Variants in AZIN2 observed in about 807,000 individuals in gnomAD.
AZIN2 encodes ODC antizyme inhibitor-2.
Under a neutral mutation model 47.8 loss-of-function variants are expected in AZIN2, and 28 were observed. The observed-to-expected ratio is 0.59, with a 90% confidence interval of 0.43 to 0.80. The LOEUF is 0.80. Ranked by LOEUF, AZIN2 falls within the 30% of genes least tolerant of loss-of-function variation. AZIN2 has a pLI of 0.00. For synonymous variants in AZIN2, 221 were observed against 239.4 expected (o/e 0.92, Z 0.71); for missense variants, 535 against 582.5 (o/e 0.92, Z 0.84).
chr1:33,092,984 G>A (rs1642738726), intron 6 of AZIN2, among the ~76,000 whole-genome samples: 1 of 152,200 alleles, frequency 6.6e-6, no homozygotes. Flanking sequence ...TCTCATACAC[G>A]ACAAGTTTGA....
Position 33,092,055 on chromosome 1 carries a change from G to A in AZIN2, c.285G>A (p.Glu95=), listed in dbSNP as rs1642610320. Residue 95 remains glutamate (E), a synonymous_variant, in exon 6 of 12, where the codon GAG becomes GAA. Transcript: ENST00000294517. ...CCACCTTTGGGGCCCCATAGGCAGAGATGGAGTTGGTCCAGCATATTGGAA... is the reference window on the plus strand; with the variant it reads ...CCACCTTTGGGGCCCCATAGGCAGAAATGGAGTTGGTCCAGCATATTGGAA... The part of the protein sequence containing the change: ...GLGFSCANKA[E]MELVQHIGIP... The A allele has an allele frequency of 6.2e-7, 1 of 1,613,720 alleles. No individual in the cohort carries two copies. Among genetic ancestry groups the A allele is most frequent in the Non-Finnish European group, 8.5e-7 (1 of 1,179,766 alleles).
downstream of AZIN2, among the ~76,000 whole-genome samples, chr1:33,126,762 T>A (rs1006205663): frequency 6.6e-6 from 1 of 152,030 alleles, no homozygotes; most frequent in African/African-American, 2.4e-5. Flanking sequence ...GACCTTGGGG[T>A]AGGATCGCCA....
chr1:33,137,087 C>T, the AZIN2 span, among the ~76,000 whole-genome samples: 1 of 152,028 alleles, frequency 6.6e-6, no homozygotes, highest in Admixed American at 6.5e-5. Context: ...TGGGTTCACC[C>T]AGCTGTGCCA....
rs1011821974 is a variant in AZIN2, at chr1:33,082,013, C to T, written c.-72-165C>T. The T allele has an allele frequency of 1.3e-5, 7 of 547,138 alleles. 1 individual carries two copies. The highest frequency in any genetic ancestry group is 9.7e-4 in the Middle Eastern group (2 of 2,058). The allele number at this position is 547,138 out of a possible 1,614,324, so 33.9% of individuals were successfully genotyped here. A position where few individuals can be genotyped will look rare whatever the true frequency, so the allele number is the denominator to read the frequency against. ...CATTTGGGCATACGGTGCCTTGTCT[C>T]CGTCTGAAATCCGGGATTCTTGACT... On this transcript the variant is annotated intron_variant, in intron 3 of 11. Transcript: ENST00000294517.
chr1:33,134,931 C>T, the AZIN2 span, among the ~76,000 whole-genome samples: 13 of 152,340 alleles, frequency 8.5e-5, no homozygotes, highest in African/African-American at 3.1e-4. Context: ...CGCTGGGTTC[C>T]CTCCCTGCCT....
At chr1:33,133,510 C>T in the AZIN2 span, among the ~76,000 whole-genome samples, 1 of 152,170 alleles carries the variant, frequency 6.6e-6, no homozygotes, top group Admixed American at 6.5e-5. Flanking sequence ...GGACCACCGG[C>T]GGCACGTTTT....
At chr1:33,154,809 A>AAT in the AZIN2 span, among the ~76,000 whole-genome samples, 2 of 117,292 alleles carry the variant, frequency 1.7e-5, no homozygotes, top group Non-Finnish European at 3.5e-5. Flanking sequence ...AAAAAAAAAA[A>AAT]GTGGCCAGGC....
At chr1:33,085,892 C>T (rs551498160) in intron 5 of AZIN2, among the ~76,000 whole-genome samples, 9 of 152,308 alleles carry the variant, frequency 5.9e-5, no homozygotes, top group Admixed American at 2.0e-4. Flanking sequence ...AGGACGTCCT[C>T]GTTTCCCACT....
chr1:33,102,013 G>C (rs1643742627), intron 10 of AZIN2: 1 of 655,100 alleles, frequency 1.5e-6, no homozygotes, highest in African/African-American at 1.8e-5. Flanking sequence ...CCCTCTCTCT[G>C]ATGAGTGAGC....
At chr1:33,114,901 C>T (rs1268873460) in intron 10 of AZIN2, among the ~76,000 whole-genome samples, 1 of 152,172 alleles carries the variant, frequency 6.6e-6, no homozygotes, top group Non-Finnish European at 1.5e-5. Flanking sequence ...TGTCCGCCTC[C>T]TAAAGTGCTG....
chr1:33,112,803 T>A (rs183430604), intron 10 of AZIN2, among the ~76,000 whole-genome samples: 1 of 152,360 alleles, frequency 6.6e-6, no homozygotes, highest in Admixed American at 6.5e-5. Flanking sequence ...TCACATTTAT[T>A]CTTTTATCAC....
At chr1:33,110,657 T>TA (rs1280747872) in intron 10 of AZIN2, among the ~76,000 whole-genome samples, 4 of 151,712 alleles carry the variant, frequency 2.6e-5, no homozygotes, top group Admixed American at 6.6e-5. Flanking sequence ...AATGGGAAGA[T>TA]AGAGTTGAAG....
chr1:33,112,335 A>T (rs867993595), intron 10 of AZIN2, among the ~76,000 whole-genome samples: 6 of 152,244 alleles, frequency 3.9e-5, no homozygotes, highest in Admixed American at 1.3e-4. Context: ...TCTTTATAAT[A>T]TAAAACATTG....
At chr1:33,133,775 G>A in the AZIN2 span, among the ~76,000 whole-genome samples, 1 of 152,344 alleles carries the variant, frequency 6.6e-6, no homozygotes, top group Non-Finnish European at 1.5e-5. Context: ...CGACACGGAG[G>A]AGGCATGGTG....
chr1:33,138,048 T>C, the AZIN2 span, among the ~76,000 whole-genome samples: 1 of 151,974 alleles, frequency 6.6e-6, no homozygotes, highest in African/African-American at 2.4e-5. Context: ...TAACCATCAG[T>C]GGGGTGCTGG....
At chr1:33,158,436 C>T in the AZIN2 span, 1 of 1,263,844 alleles carries the variant, frequency 7.9e-7, no homozygotes, top group African/African-American at 1.5e-5. Context: ...AGGGGCCCCG[C>T]AGCCACCTTC....
At position 33,081,880 on chromosome 1, in the gene AZIN2, C is replaced by T; in HGVS notation, c.-73+68C>T. On this transcript the variant is annotated intron_variant, in intron 3 of 11. Transcript: ENST00000294517. The surrounding 1 kb of genome is among the most constrained non-coding windows in gnomAD (Gnocchi z 4.2). ...CCCAAGTTTCTCAGATTTTCTGTTCCATCTCTCTCTCACTCTTTCCTGAAA... is the reference window on the plus strand; with the variant it reads ...CCCAAGTTTCTCAGATTTTCTGTTCTATCTCTCTCTCACTCTTTCCTGAAA... 3.8e-6 allele frequency: 1 copy of T among 261,760 alleles called. No individual in the cohort carries two copies. The highest frequency in any genetic ancestry group is 7.6e-6 in the Non-Finnish European group (1 of 132,266). The allele number at this position is 261,760 out of a possible 1,614,324, so 16.2% of individuals were successfully genotyped here. A position where few individuals can be genotyped will look rare whatever the true frequency, so the allele number is the denominator to read the frequency against.
At chr1:33,082,001 G>C (rs560734436) in intron 3 of AZIN2, 177 bp from the exon 4 acceptor site, 1 of 518,540 alleles carries the variant, frequency 1.9e-6, no homozygotes, top group Admixed American at 3.2e-5. Context: ...TTGGGCATAC[G>C]GTGCCTTGTC....
At chr1:33,115,525 A>G (rs993292371) in intron 10 of AZIN2, among the ~76,000 whole-genome samples, 3 of 152,152 alleles carry the variant, frequency 2.0e-5, no homozygotes, top group Admixed American at 6.5e-5. Context: ...CCAACATGGC[A>G]AAATCCTGTA....
Sources: allele counts gnomAD v4.1 joint callset (sites outside exome capture counted in the v4.1 genomes callset), GRCh38; gene constraint gnomAD v4.1.1; non-coding constraint Gnocchi (gnomAD v3.1); transcripts MANE v1.5; gene names NCBI Gene and HGNC (gene_info 2026-07-23, HGNC 2026-07-21).